Variants in RORA observed in about 807,000 individuals in gnomAD.
RORA encodes RAR related orphan receptor A.
A neutral mutation model predicts 69.5 loss-of-function variants in RORA; 7 were observed. The ratio of observed to expected loss-of-function variants is 0.10; its 90% CI spans 0.06 to 0.19. The LOEUF (loss-of-function observed/expected upper bound fraction) is 0.19. RORA is among the 10% of genes least tolerant of loss of function. RORA has a pLI of 1.00. For missense variants in RORA, 457 were observed against 663.0 expected, an observed-to-expected ratio of 0.69 and a Z score of 3.41; for synonymous variants, 261 against 240.8, an observed-to-expected ratio of 1.08 and a Z score of -0.78.
At chr15:60,612,661 GTTTTTTTTTT>G (rs71122864) in intron 2 of RORA, among the ~76,000 whole-genome samples, 14,683 of 107,464 alleles carry the variant, frequency 0.14, 1,295 homozygotes, top group African/African-American at 0.29. Flanking sequence ...CTCTCTCTCT[GTTTTTTTTTT>G]TTTTTTTTTT....
At chr15:60,769,978 T>C (rs570792351) in intron 1 of RORA, among the ~76,000 whole-genome samples, 1 of 152,384 alleles carries the variant, frequency 6.6e-6, no homozygotes, top group African/African-American at 2.4e-5. Flanking sequence ...CCTTATTTTG[T>C]ATTCCTAGCA....
intron 1 of RORA, among the ~76,000 whole-genome samples, chr15:60,711,271 A>C (rs1218135940): frequency 2.0e-5 from 3 of 152,162 alleles, no homozygotes; most frequent in Non-Finnish European, 4.4e-5. Flanking sequence ...TCCTACTTCT[A>C]AACTGCATAC....
At chr15:60,918,557 C>A (rs1891946943) in intron 1 of RORA, among the ~76,000 whole-genome samples, 1 of 152,158 alleles carries the variant, frequency 6.6e-6, no homozygotes, top group African/African-American at 2.4e-5. Context: ...CAACTAGCTA[C>A]CTTGGAATTA....
At chr15:60,592,301 C>A in intron 2 of RORA, 1 of 1,010,316 alleles carries the variant, frequency 9.9e-7, no homozygotes. Context: ...TTCGGGCAGG[C>A]GCGCCCACCC....
chr15:61,194,428 T>A (rs184153754), intron 1 of RORA, among the ~76,000 whole-genome samples: 34 of 151,820 alleles, frequency 2.2e-4, no homozygotes, highest in African/African-American at 8.2e-4. Context: ...GGCGTAGTGG[T>A]GGTGCATGCC....
At chr15:60,834,401 T>C (rs1477912201) in intron 1 of RORA, among the ~76,000 whole-genome samples, 1 of 152,196 alleles carries the variant, frequency 6.6e-6, no homozygotes, top group East Asian at 1.9e-4. Context: ...CTCAAGTCCG[T>C]GTGCTCCATA....
At chr15:60,678,712 G>C in intron 1 of RORA, 26 bp from the exon 2 acceptor site, 1 of 1,604,190 alleles carries the variant, frequency 6.2e-7, no homozygotes, top group Non-Finnish European at 8.5e-7. Flanking sequence ...CAATAACATA[G>C]GTTAGAAAGT....
At chr15:60,759,959 C>A (rs1322064810) in intron 1 of RORA, among the ~76,000 whole-genome samples, 2 of 152,030 alleles carry the variant, frequency 1.3e-5, no homozygotes, top group Non-Finnish European at 2.9e-5. Flanking sequence ...GTATTTTGAA[C>A]TTGTCAGTCA....
At chr15:60,506,227 T>C (rs2065496231) in intron 5 of RORA, among the ~76,000 whole-genome samples, 1 of 151,964 alleles carries the variant, frequency 6.6e-6, no homozygotes, top group African/African-American at 2.4e-5. Context: ...ATCTCGGGTA[T>C]GTTATTTAAC....
At chr15:60,846,492 C>T (rs1031032536) in intron 1 of RORA, among the ~76,000 whole-genome samples, 2 of 152,176 alleles carry the variant, frequency 1.3e-5, no homozygotes, top group African/African-American at 4.8e-5. Flanking sequence ...AACATTCCAC[C>T]CCTTTTTGGA....
At chr15:60,524,032 C>T (rs950892272) in intron 3 of RORA, among the ~76,000 whole-genome samples, 1 of 152,176 alleles carries the variant, frequency 6.6e-6, no homozygotes. Flanking sequence ...TTTTCTTGCT[C>T]AGTGACAGGC....
intron 1 of RORA, among the ~76,000 whole-genome samples, chr15:60,810,350 T>C (rs1400252720): frequency 2.6e-5 from 4 of 152,184 alleles, no homozygotes; most frequent in African/African-American, 9.7e-5. Flanking sequence ...TCTTGATCTT[T>C]TATACAAAAG....
intron 1 of RORA, among the ~76,000 whole-genome samples, chr15:60,903,248 A>G (rs1039936755): frequency 2.6e-5 from 4 of 152,206 alleles, no homozygotes; most frequent in African/African-American, 9.6e-5. Flanking sequence ...GAGAGAGGCT[A>G]ATGGCACATG....
At chr15:61,002,204 C>A (rs1400341042) in intron 1 of RORA, among the ~76,000 whole-genome samples, 3 of 152,202 alleles carry the variant, frequency 2.0e-5, no homozygotes, top group African/African-American at 7.2e-5. Context: ...ATCTGGCCAC[C>A]CTGAGAGGTT....
intron 1 of RORA, among the ~76,000 whole-genome samples, chr15:60,823,702 G>A (rs919709627): frequency 1.3e-5 from 2 of 152,112 alleles, no homozygotes; most frequent in Non-Finnish European, 2.9e-5. Flanking sequence ...AGGAAGTTTA[G>A]CTTACTGGAG....
intron 1 of RORA, among the ~76,000 whole-genome samples, chr15:60,897,839 CACCAAAG>C (rs1891270911): frequency 6.6e-6 from 1 of 152,218 alleles, no homozygotes; most frequent in South Asian, 2.1e-4. Flanking sequence ...TCCTGTTAAG[CACCAAAG>C]TGATGGAATA....
intron 5 of RORA, among the ~76,000 whole-genome samples, chr15:60,510,720 G>C (rs185199704): frequency 1.3e-5 from 2 of 152,338 alleles, no homozygotes; most frequent in African/African-American, 4.8e-5. Flanking sequence ...AGTGTAAATA[G>C]ATCATTTTTT....
chr15:60,550,715 T>C (rs1057326528), intron 2 of RORA, among the ~76,000 whole-genome samples: 1 of 152,130 alleles, frequency 6.6e-6, no homozygotes, highest in Non-Finnish European at 1.5e-5. Flanking sequence ...AGATGGTGAC[T>C]CTCCAAGGGG....
At chr15:60,514,496 C>T (rs2065803092) in intron 4 of RORA, 120 bp downstream of exon 4, 3 of 929,396 alleles carry the variant, frequency 3.2e-6, no homozygotes, top group Non-Finnish European at 3.4e-6. Flanking sequence ...GGGGGCGGGG[C>T]GTAAGGTGGA....
Sources: gnomAD v4.1 joint callset for allele counts (sites outside exome capture counted in the v4.1 genomes callset) on GRCh38, gnomAD v4.1.1 for gene constraint, MANE v1.5 for transcripts, NCBI Gene and HGNC (gene_info 2026-07-23, HGNC 2026-07-21) for gene names.